Variants in ARID1B observed in about 807,000 individuals in gnomAD.
The protein encoded by ARID1B is AT-rich interactive domain-containing protein 1B.
In ARID1B, 30 loss-of-function variants were observed where a neutral mutation model predicts 212.3. The ratio of observed to expected loss-of-function variants is 0.14; its 90% CI spans 0.11 to 0.19. The LOEUF (loss-of-function observed/expected upper bound fraction) is 0.19. ARID1B is among the 10% of genes least tolerant of loss of function. ARID1B has a pLI of 1.00. For missense variants in ARID1B, 2,891 were observed against 3,204.0 expected (o/e 0.90, Z 2.36); for synonymous variants, 1,402 against 1,301.7 (o/e 1.08, Z -1.66).
chr6:157,156,874 C>T (rs1221373888), intron 8 of ARID1B, among the ~76,000 whole-genome samples: 1 of 152,194 alleles, frequency 6.6e-6, no homozygotes, highest in Non-Finnish European at 1.5e-5. Context: ...TCCTGAGGGA[C>T]ATCACGTGAG....
chr6:156,830,250 C>T (rs552818999), intron 2 of ARID1B, among the ~76,000 whole-genome samples: 3 of 152,266 alleles, frequency 2.0e-5, no homozygotes, highest in South Asian at 4.1e-4. Flanking sequence ...ATCGCCATAC[C>T]GTACCTAAGC....
At chr6:157,039,923 T>TTC (rs1781761759) in intron 4 of ARID1B, among the ~76,000 whole-genome samples, 1 of 120,118 alleles carries the variant, frequency 8.3e-6, no homozygotes, top group African/African-American at 3.2e-5. Flanking sequence ...TCCTTCTTTC[T>TTC]TTTCTTTCTT....
At chr6:157,052,378 A>G (rs1195352105) in intron 4 of ARID1B, among the ~76,000 whole-genome samples, 7 of 152,236 alleles carry the variant, frequency 4.6e-5, no homozygotes, top group African/African-American at 1.2e-4. Context: ...CTGGATGTCA[A>G]CTGTAGACAG....
chr6:156,784,294 C>A (rs184893195), intron 1 of ARID1B, among the ~76,000 whole-genome samples: 2 of 152,074 alleles, frequency 1.3e-5, no homozygotes, highest in Non-Finnish European at 2.9e-5. Context: ...TGTTCCCTGT[C>A]GTGTCCGGGA....
At chr6:157,057,836 A>G (rs577484128) in intron 4 of ARID1B, among the ~76,000 whole-genome samples, 10 of 152,254 alleles carry the variant, frequency 6.6e-5, no homozygotes, top group Admixed American at 2.0e-4. Context: ...GTTTAGGAGG[A>G]TTAATTTCAG....
chr6:156,805,741 T>C (rs1196479067), intron 1 of ARID1B, among the ~76,000 whole-genome samples: 1 of 152,198 alleles, frequency 6.6e-6, no homozygotes, highest in Non-Finnish European at 1.5e-5. Context: ...AGTGGCACCA[T>C]TGTAACTCAC....
chr6:156,832,385 G>C (rs1480740920), intron 2 of ARID1B, among the ~76,000 whole-genome samples: 1 of 152,206 alleles, frequency 6.6e-6, no homozygotes, highest in Non-Finnish European at 1.5e-5. Flanking sequence ...ATGTTCTTCA[G>C]GGAAAAAGTT....
chr6:157,206,247 A>G lies in ARID1B; in HGVS notation c.5475A>G (p.Glu1825=), dbSNP rs1362787553. The part of the protein sequence containing the change: ...IDIFGILMEY[E]VGDPSQKALD... The stretch of plus-strand genomic sequence containing the variant: ...TTTTTGGAATTCTTATGGAATATGA[A>G]GTGGGAGACCCCAGCCAAAAAGCAC... The change falls in exon 20 of 20, where the codon GAA becomes GAG. Residue 1825 remains glutamate (E), a synonymous_variant. Coordinates refer to ENST00000636930, the MANE Select transcript of ARID1B (RefSeq NM_001374828.1). This position sits in a 1 kb window ranked among gnomAD's most constrained non-coding sequence, Gnocchi z 6.8. 1.2e-6 allele frequency: 2 copies of G among 1,614,224 alleles called. No individual in the cohort carries two copies. The highest frequency in any genetic ancestry group is 1.7e-6 in the Non-Finnish European group (2 of 1,180,038).
intron 16 of ARID1B, among the ~76,000 whole-genome samples, chr6:157,198,013 C>G (rs1004402137): frequency 2.0e-5 from 3 of 152,168 alleles, no homozygotes; most frequent in Admixed American, 2.0e-4. Flanking sequence ...TATATTCAGT[C>G]CATTGTTCCC....
intron 4 of ARID1B, among the ~76,000 whole-genome samples, chr6:156,965,643 A>G (rs1464559463): frequency 6.6e-6 from 1 of 152,242 alleles, no homozygotes; most frequent in African/African-American, 2.4e-5. Flanking sequence ...ATGTACAACC[A>G]TTAGTAGCCT....
At chr6:156,787,573 C>A (rs1779586652) in intron 1 of ARID1B, among the ~76,000 whole-genome samples, 1 of 152,052 alleles carries the variant, frequency 6.6e-6, no homozygotes, top group African/African-American at 2.4e-5. Context: ...AGCTACACAC[C>A]CATTTTAATG....
Position 157,133,157 on chromosome 6 carries a change from G to A in ARID1B, c.2711G>A (p.Ser904Asn), listed in dbSNP as rs1159561275. ...MHAGISSFQQSNSSGTYGPQM... is the reference protein window; with the variant it reads ...MHAGISSFQQNNSSGTYGPQM... ...GCTGGAATCAGTAGCTTTCAGCAGA[G>A]TAACTCAAGTGGGACTTACGGTCCA... is the stretch of plus-strand genomic sequence containing the variant. The change falls in exon 7 of 20, where the codon AGT becomes AAT. Residue 904 changes from serine to asparagine, a missense_variant. This residue lies in a region of ARID1B where 1,643 missense variants were observed against 1,544.0 expected (regional missense o/e 1.06). Transcript: ENST00000636930. 7.4e-6 allele frequency: 12 copies of A among 1,613,938 alleles called. No individual in the cohort carries two copies. Among genetic ancestry groups the A allele is most frequent in the Admixed American group, 3.3e-5 (2 of 59,980 alleles).
chr6:156,996,965 A>G (rs1311392454), intron 4 of ARID1B, among the ~76,000 whole-genome samples: 3 of 151,998 alleles, frequency 2.0e-5, no homozygotes, highest in Non-Finnish European at 4.4e-5. Context: ...TTGAGAAGGG[A>G]AAAAAACGTG....
rs1782652476 is a variant in ARID1B at position 157,052,185 on chromosome 6, T to A, written c.2248-32477T>A. 2.0e-5 allele frequency among the ~76,000 whole-genome samples: 3 copies of A among 152,268 alleles called. No homozygotes were observed. In the South Asian group the frequency reaches 6.2e-4, roughly 32 times the overall value. ...AAAATAAAGGTTGGATAACAGAGGT[T>A]ATTTATATATATATGTAGTAAAATG... is the stretch of plus-strand genomic sequence containing the variant. On this transcript the variant is annotated intron_variant, in intron 4 of 19. Transcript: ENST00000636930.
intron 8 of ARID1B, among the ~76,000 whole-genome samples, chr6:157,161,425 G>GTATATATATA (rs768153706): frequency 2.9e-4 from 36 of 124,406 alleles, no homozygotes; most frequent in African/African-American, 1.2e-3. Flanking sequence ...TTTTGATTGT[G>GTATATATATA]TGTGTGTATA....
intron 8 of ARID1B, among the ~76,000 whole-genome samples, chr6:157,157,131 G>A (rs560569218): frequency 4.6e-5 from 7 of 152,008 alleles, no homozygotes; most frequent in Non-Finnish European, 5.9e-5. Context: ...TCCGGGTCTG[G>A]GTCTGGCCCT....
At chr6:157,086,107 A>G (rs1458292165) in intron 5 of ARID1B, among the ~76,000 whole-genome samples, 4 of 152,236 alleles carry the variant, frequency 2.6e-5, no homozygotes, top group Non-Finnish European at 4.4e-5. Flanking sequence ...GCAAAGGGCT[A>G]CTATTAACAA....
chr6:157,167,397 G>A (rs1291549540), intron 9 of ARID1B: 2 of 474,978 alleles, frequency 4.2e-6, no homozygotes, highest in Non-Finnish European at 7.0e-6. Flanking sequence ...TATTCAATCT[G>A]TGTTTGTATA....
chr6:156,781,650 T>G (rs1309015683), intron 1 of ARID1B, among the ~76,000 whole-genome samples: 2 of 152,130 alleles, frequency 1.3e-5, no homozygotes, highest in Non-Finnish European at 2.9e-5. Context: ...GTTTTGCTTT[T>G]AAGGATAATA....
Sources: allele counts gnomAD v4.1 joint callset (sites outside exome capture counted in the v4.1 genomes callset), GRCh38; gene constraint gnomAD v4.1.1; regional missense constraint gnomAD v4.1.1; non-coding constraint Gnocchi (gnomAD v3.1); transcripts MANE v1.5; gene names NCBI Gene and HGNC (gene_info 2026-07-23, HGNC 2026-07-21).